The following ATP1B3 variants were observed in gnomAD, a reference collection of about 807,000 sequenced individuals.
ATP1B3 encodes the protein sodium/potassium-transporting ATPase subunit beta-3.
Under a neutral mutation model 30.2 loss-of-function variants are expected in ATP1B3, and 10 were observed. That is an observed-to-expected ratio of 0.33 (90% CI 0.20 to 0.56). ATP1B3 has a LOEUF of 0.56. Ranked by LOEUF, ATP1B3 falls within the 20% of genes least tolerant of loss-of-function variation. The probability of loss-of-function intolerance (pLI) is 0.90; values close to 1 mark genes in which losing one functional copy is unlikely to be tolerated. For synonymous variants in ATP1B3, 113 were observed against 117.0 expected (o/e 0.97, Z 0.22); for missense variants, 238 against 336.7 (o/e 0.71, Z 2.29).
intron 1 of ATP1B3, among the ~76,000 whole-genome samples, chr3:141,892,197 A>C (rs779762105): frequency 6.6e-6 from 1 of 152,164 alleles, no homozygotes. Flanking sequence ...GTTCATGGCT[A>C]TTATGCTGTA....
rs567233335 is a variant in ATP1B3 at position 141,886,618 on chromosome 3, T to A, written c.109+9708T>A. 1.5e-4 allele frequency among the ~76,000 whole-genome samples: 23 copies of A among 152,334 alleles called. No homozygotes were observed. The South Asian group carries it at 4.8e-3, about 32-fold the overall frequency. On this transcript the variant is annotated intron_variant, in intron 1 of 6. Coordinates refer to ENST00000286371, the MANE Select transcript of ATP1B3 (RefSeq NM_001679.4). Reference sequence around the variant, plus strand: ...CCAGTATACTGAGAAGATGACCAGATAGGACTCATAGACCTAAATTCTAGT... The same window carrying A: ...CCAGTATACTGAGAAGATGACCAGAAAGGACTCATAGACCTAAATTCTAGT...
intron 1 of ATP1B3, among the ~76,000 whole-genome samples, chr3:141,885,429 T>TTTTTC (rs1559864813): frequency 1.3e-5 from 2 of 151,872 alleles, no homozygotes; most frequent in East Asian, 1.9e-4. Flanking sequence ...TGCCTTTTCT[T>TTTTTC]TTTTCTTTTC....
chr3:141,905,443 A>G (rs1267134570), intron 2 of ATP1B3, among the ~76,000 whole-genome samples: 1 of 152,230 alleles, frequency 6.6e-6, no homozygotes, highest in Non-Finnish European at 1.5e-5. Context: ...AATGCCAATA[A>G]TGCTGAGATG....
chr3:141,909,611 G>A (rs1360593523), intron 3 of ATP1B3, among the ~76,000 whole-genome samples: 1 of 152,236 alleles, frequency 6.6e-6, no homozygotes, highest in African/African-American at 2.4e-5. Flanking sequence ...TTATGGTGCT[G>A]ATGTGTTGAA....
chr3:141,904,703 CTTTTTTTTTTTT>C (rs35178202), intron 2 of ATP1B3, among the ~76,000 whole-genome samples: 4 of 89,376 alleles, frequency 4.5e-5, no homozygotes, highest in Non-Finnish European at 8.3e-5. Flanking sequence ...TTTAAACAGT[CTTTTTTTTTTTT>C]TTTTTTTTTT....
chr3:141,877,257 C>G (rs1040621461), intron 1 of ATP1B3, among the ~76,000 whole-genome samples: 4 of 109,888 alleles, frequency 3.6e-5, no homozygotes, highest in Admixed American at 1.8e-4. Context: ...CCCGAGAGTG[C>G]AGGAGCCGAG....
chr3:141,915,910 G>A (rs1934454031), intron 4 of ATP1B3, 60 bp from the exon 5 acceptor site: 2 of 1,356,322 alleles, frequency 1.5e-6, no homozygotes, highest in Non-Finnish European at 2.1e-6. Context: ...GCAACAGAGG[G>A]AGGAAGTTCC....
At chr3:141,891,097 T>TC (rs1933943726) in intron 1 of ATP1B3, among the ~76,000 whole-genome samples, 1 of 152,218 alleles carries the variant, frequency 6.6e-6, no homozygotes, top group Non-Finnish European at 1.5e-5. Flanking sequence ...TGTTGTATAA[T>TC]CCATCATTTC....
At chr3:141,907,362 G>A (rs1934282369) in intron 3 of ATP1B3, 88 bp downstream of exon 3, 2 of 1,030,642 alleles carry the variant, frequency 1.9e-6, no homozygotes, top group African/African-American at 1.6e-5. Context: ...GCTCACGCCT[G>A]TAATCCCAGC....
chr3:141,918,860 C>T (rs1195750465), intron 5 of ATP1B3: 1 of 152,190 alleles, frequency 6.6e-6, no homozygotes, highest in Non-Finnish European at 1.5e-5. Flanking sequence ...AGTTAGCTTT[C>T]CCTTTTGCTT....
At chr3:141,884,192 A>T (rs2060014) in intron 1 of ATP1B3, among the ~76,000 whole-genome samples, 7,525 of 152,046 alleles carry the variant, frequency 0.049, 245 homozygotes, top group Non-Finnish European at 0.077. Context: ...TACCTGTTTA[A>T]ACTTTGTTAC....
chr3:141,924,563 C>A (rs561128839), intron 6 of ATP1B3, among the ~76,000 whole-genome samples: 1 of 152,074 alleles, frequency 6.6e-6, no homozygotes, highest in Admixed American at 6.6e-5. Context: ...GCAGGGGAAT[C>A]GCTTGAACCT....
At chr3:141,884,508 A>G (rs749936926) in intron 1 of ATP1B3, among the ~76,000 whole-genome samples, 2 of 152,208 alleles carry the variant, frequency 1.3e-5, no homozygotes, top group Non-Finnish European at 2.9e-5. Flanking sequence ...GATAGAAAGT[A>G]TTGATCCTGG....
intron 1 of ATP1B3, among the ~76,000 whole-genome samples, chr3:141,878,983 C>T (rs1431721091): frequency 1.3e-5 from 2 of 152,146 alleles, no homozygotes; most frequent in African/African-American, 2.4e-5. Flanking sequence ...CTAATTCTTG[C>T]AAAGGCAGGA....
At chr3:141,886,425 C>T (rs1166058670) in intron 1 of ATP1B3, among the ~76,000 whole-genome samples, 1 of 152,186 alleles carries the variant, frequency 6.6e-6, no homozygotes, top group Non-Finnish European at 1.5e-5. Context: ...TTTCCTATAA[C>T]ATCTAAAATG....
In ATP1B3 at chr3:141,889,749, A is replaced by AT. The variant is rs1559866052; in HGVS notation, c.109+12839_109+12840insT. On this transcript the variant is annotated intron_variant, in intron 1 of 6. Coordinates refer to ENST00000286371, the MANE Select transcript of ATP1B3 (RefSeq NM_001679.4). ...GTCTCAAAAAAAAAAAAAAAAAAAAAAATATATACACACACACACACACAC... is the reference window on the plus strand; with the variant it reads ...GTCTCAAAAAAAAAAAAAAAAAAAAATAATATATACACACACACACACACAC... Among the ~76,000 whole-genome samples, 177 of 79,338 alleles carry AT rather than the reference A, an allele frequency of 2.2e-3. 7 individuals carry two copies. The highest frequency in any genetic ancestry group is 9.0e-3 in the African/African-American group (153 of 16,946). 52.0% of individuals were successfully genotyped at this position (79,338 alleles called of 152,430 possible). A position where few individuals can be genotyped will look rare whatever the true frequency, so the allele number is the denominator to read the frequency against.
chr3:141,877,094 G>T (rs1288965840), intron 1 of ATP1B3, among the ~76,000 whole-genome samples, 184 bp downstream of exon 1: 3 of 151,102 alleles, frequency 2.0e-5, no homozygotes, highest in Admixed American at 1.3e-4. Context: ...GGCCGGACTG[G>T]CCGCAGCTCG....
In ATP1B3 at chr3:141,883,918, AC is replaced by A. The variant is rs537111631; in HGVS notation, c.109+7009del. 4.1e-4 allele frequency among the ~76,000 whole-genome samples: 62 copies of A among 152,242 alleles called. 1 individual carries two copies. The highest frequency in any genetic ancestry group is 1.4e-3 in the African/African-American group (59 of 41,530). ...ATTCCACTTAACTTTCTTATTGGAG[AC>A]TCAGCTGGGTTTGTGACATGCCTGG... On this transcript the variant is annotated intron_variant, in intron 1 of 6. Coordinates refer to ENST00000286371, the MANE Select transcript of ATP1B3 (RefSeq NM_001679.4).
rs375550440 is a variant in ATP1B3 at position 141,909,081 on chromosome 3, T to G, written c.346+1807T>G. On this transcript the variant is annotated intron_variant, in intron 3 of 6. Transcript: ENST00000286371. ...CCTTCCTGTCAACTTGAAAAAATCTTCAACTCTCTCCTATCTTAAACCAAA... is the reference window on the plus strand; with the variant it reads ...CCTTCCTGTCAACTTGAAAAAATCTGCAACTCTCTCCTATCTTAAACCAAA... 2.0e-5 allele frequency among the ~76,000 whole-genome samples: 3 copies of G among 152,332 alleles called. No homozygotes were observed. In the South Asian group the frequency reaches 6.2e-4, roughly 32 times the overall value.
Sources: gnomAD v4.1 joint callset for allele counts (sites outside exome capture counted in the v4.1 genomes callset) on GRCh38, gnomAD v4.1.1 for gene constraint, MANE v1.5 for transcripts, NCBI Gene and HGNC (gene_info 2026-07-23, HGNC 2026-07-21) for gene names.